SYNCRIP: variants seen among roughly 807,000 people sequenced by gnomAD.
The protein encoded by SYNCRIP is heterogeneous nuclear ribonucleoprotein Q.
A neutral mutation model predicts 68.9 loss-of-function variants in SYNCRIP; 9 were observed. The ratio of observed to expected loss-of-function variants is 0.13; its 90% CI spans 0.08 to 0.23. The LOEUF (loss-of-function observed/expected upper bound fraction) is 0.23, where lower values mean the gene tolerates loss of function less well. Among genes scored for constraint, SYNCRIP ranks in the 10% least tolerant of loss-of-function variants. SYNCRIP has a pLI of 1.00. For missense variants in SYNCRIP, 414 were observed against 770.6 expected (o/e 0.54, Z 5.48); for synonymous variants, 258 against 254.0 (o/e 1.02, Z -0.15).
rs1554184894 is a variant in SYNCRIP, at chr6:85,623,579, A to AAAAAAC, written c.802+397_802+398insGTTTTT. On this transcript the variant is annotated intron_variant, in intron 7 of 10. Transcript: ENST00000369622. The stretch of plus-strand genomic sequence containing the variant: ...ACTGTCTCCAAAAAAAAAAAAAAAA[A>AAAAAAC]AAAACACTCTGCTACGGCAATACTT... 9.7e-3 allele frequency among the ~76,000 whole-genome samples: 1,221 copies of AAAAAAC among 125,718 alleles called. 7 individuals carry two copies. The highest frequency in any genetic ancestry group is 0.014 in the Non-Finnish European group (790 of 56,418). 82.5% of individuals were successfully genotyped at this position (125,718 alleles called of 152,430 possible). A position where few individuals can be genotyped will look rare whatever the true frequency, so the allele number is the denominator to read the frequency against.
intron 4 of SYNCRIP, 63 bp downstream of exon 4, chr6:85,640,158 T>C (rs973252609): frequency 3.5e-6 from 4 of 1,142,638 alleles, no homozygotes; most frequent in South Asian, 1.3e-5. Flanking sequence ...CCAAGGAATA[T>C]TTACCAAAAT....
At chr6:85,623,308 A>C (rs1473641460) in intron 7 of SYNCRIP, among the ~76,000 whole-genome samples, 1 of 152,056 alleles carries the variant, frequency 6.6e-6, no homozygotes, top group Non-Finnish European at 1.5e-5. Flanking sequence ...TCATACCTGT[A>C]ATCGCAACAC....
chr6:85,642,259 G>A (rs1325134764), intron 1 of SYNCRIP, among the ~76,000 whole-genome samples: 1 of 152,042 alleles, frequency 6.6e-6, no homozygotes, highest in African/African-American at 2.4e-5. Context: ...TCCGCCCCTG[G>A]CGCTCCCCGG....
chr6:85,619,487 C>T, intron 8 of SYNCRIP, 70 bp from the exon 9 acceptor site: 1 of 1,394,260 alleles, frequency 7.2e-7, no homozygotes, highest in East Asian at 2.4e-5. Flanking sequence ...ACCACCCCAC[C>T]CTACAAAGTT....
chr6:85,615,434 CAG>C, intron 10 of SYNCRIP, 87 bp from the exon 11 acceptor site: 2 of 852,408 alleles, frequency 2.3e-6, no homozygotes, highest in East Asian at 2.8e-5. Context: ...AGTTTAAATC[CAG>C]AGTTTACTTC....
intron 4 of SYNCRIP, among the ~76,000 whole-genome samples, 162 bp from the exon 5 acceptor site, chr6:85,637,518 T>C (rs1808596437): frequency 1.3e-5 from 2 of 152,254 alleles, no homozygotes; most frequent in Admixed American, 6.5e-5. Flanking sequence ...CTTAAATGTG[T>C]ACTTGTTATA....
In SYNCRIP at chr6:85,614,170, G is replaced by A. The variant is rs1340303128; in HGVS notation, c.*586C>T. On this transcript the variant is annotated 3_prime_UTR_variant, in exon 11 of 11. Coordinates refer to ENST00000369622, the MANE Select transcript of SYNCRIP (RefSeq NM_006372.5). ...TATACAATTTGAACCAAATTTGCAG[G>A]AAATTTTGTGAAAAACGAATTGTAA... 1.0e-6 allele frequency: 1 copy of A among 985,786 alleles called. No individual in the cohort carries two copies. The highest frequency in any genetic ancestry group is 1.7e-5 in the African/African-American group (1 of 57,336). 61.1% of individuals were successfully genotyped at this position (985,786 alleles called of 1,614,324 possible).
At chr6:85,635,791 A>AG (rs967664869) in intron 6 of SYNCRIP, among the ~76,000 whole-genome samples, 3 of 151,616 alleles carry the variant, frequency 2.0e-5, no homozygotes, top group East Asian at 1.9e-4. Context: ...AAAAAAAAAA[A>AG]AAAAAAGAAA....
At chr6:85,634,570 A>G (rs1583303388) in intron 6 of SYNCRIP, among the ~76,000 whole-genome samples, 1 of 146,888 alleles carries the variant, frequency 6.8e-6, no homozygotes, top group Non-Finnish European at 1.5e-5. Flanking sequence ...TCTCTCATAC[A>G]CTGGTGTGTT....
At chr6:85,642,388 G>A (rs1562119929) in intron 1 of SYNCRIP, among the ~76,000 whole-genome samples, 1 of 152,162 alleles carries the variant, frequency 6.6e-6, no homozygotes. Flanking sequence ...ACCCAGCAGC[G>A]TGAGGGCGTT....
intron 8 of SYNCRIP, 144 bp downstream of exon 8, chr6:85,622,338 C>A: frequency 7.4e-6 from 6 of 808,004 alleles, no homozygotes; most frequent in Non-Finnish European, 1.2e-5. Flanking sequence ...CATGGCACTC[C>A]AGCCTGGGAA....
Position 85,624,718 on chromosome 6 carries a change from G to C in SYNCRIP, c.667-606C>G, listed in dbSNP as rs112356980. On this transcript the variant is annotated intron_variant, in intron 6 of 10. Transcript: ENST00000369622. ...TTAAAACTACAGTAAAAAGTAAATT[G>C]AATTTTCGAGTAACCATATCCCAGA... 9.4e-4 allele frequency among the ~76,000 whole-genome samples: 143 copies of C among 152,292 alleles called. 1 individual carries two copies. Among genetic ancestry groups the C allele is most frequent in the African/African-American group, 3.2e-3 (134 of 41,566 alleles).
chr6:85,614,613 G>C lies in SYNCRIP; in HGVS notation c.*143C>G. 2 of 1,319,000 alleles carry C rather than the reference G, an allele frequency of 1.5e-6. No individual in the cohort carries two copies. Among genetic ancestry groups the C allele is most frequent in the Non-Finnish European group, 9.7e-7 (1 of 1,034,608 alleles). 81.7% of individuals were successfully genotyped at this position (1,319,000 alleles called of 1,614,324 possible). On this transcript the variant is annotated 3_prime_UTR_variant, in exon 11 of 11. Coordinates refer to ENST00000369622, the MANE Select transcript of SYNCRIP (RefSeq NM_006372.5). Reference sequence around the variant, plus strand: ...CAGAAGCAGTTAGAAGTGTGGCTTTGTTCGTGTCCAAGCGGATTGTTAAAA... The same window carrying C: ...CAGAAGCAGTTAGAAGTGTGGCTTTCTTCGTGTCCAAGCGGATTGTTAAAA...
intron 4 of SYNCRIP, among the ~76,000 whole-genome samples, chr6:85,638,298 TA>T (rs1280655697): frequency 7.0e-6 from 1 of 141,922 alleles, no homozygotes; most frequent in Non-Finnish European, 1.5e-5. Context: ...CTTAAACGCT[TA>T]AACCTGGAGG....
chr6:85,631,861 G>C (rs754156150), intron 6 of SYNCRIP, among the ~76,000 whole-genome samples: 3 of 152,194 alleles, frequency 2.0e-5, no homozygotes, highest in Non-Finnish European at 4.4e-5. Context: ...TGGCAGAAAG[G>C]GTTGTTGAGG....
chr6:85,624,683 A>G (rs1472150152), intron 6 of SYNCRIP, among the ~76,000 whole-genome samples: 1 of 152,250 alleles, frequency 6.6e-6, no homozygotes, highest in East Asian at 1.9e-4. Flanking sequence ...AAAAATATAC[A>G]GAAACAACTT....
chr6:85,614,868 G>T lies in SYNCRIP; in HGVS notation c.1760C>A (p.Ser587Tyr). ...GAGCGGTTGCTGAGCAATGGGTTGG[G>T]AGCCCCAGTTCTGATTATTGGTCTG... is the stretch of plus-strand genomic sequence containing the variant. ...RRQTNNQNWGSQPIAQQPLQG... is the reference protein window; with the variant it reads ...RRQTNNQNWGYQPIAQQPLQG... Residue 587 changes from serine (S) to tyrosine (Y), a missense_variant, in exon 11 of 11, where the codon TCC (serine) becomes TAC (tyrosine). By Grantham distance (144) the Ser-to-Tyr change is moderately radical. Coordinates refer to ENST00000369622, the MANE Select transcript of SYNCRIP (RefSeq NM_006372.5). The T allele has an allele frequency of 6.2e-7, 1 of 1,614,148 alleles. No homozygotes were observed.
intron 1 of SYNCRIP, 109 bp from the exon 2 acceptor site, chr6:85,641,560 A>G (rs1207030771): frequency 9.0e-7 from 1 of 1,108,058 alleles, no homozygotes; most frequent in Non-Finnish European, 1.3e-6. Context: ...CAGCTAGCCT[A>G]TACCTCCCTT....
intron 6 of SYNCRIP, among the ~76,000 whole-genome samples, chr6:85,628,667 T>A (rs78619100): frequency 6.6e-6 from 1 of 152,328 alleles, no homozygotes; most frequent in African/African-American, 2.4e-5. Flanking sequence ...ATACCACTCT[T>A]ACATATTGTC....
Sources: allele counts gnomAD v4.1 joint callset (sites outside exome capture counted in the v4.1 genomes callset), GRCh38; gene constraint gnomAD v4.1.1; transcripts MANE v1.5; gene names NCBI Gene and HGNC (gene_info 2026-07-23, HGNC 2026-07-21).